CEP83: variants seen among roughly 807,000 people sequenced by gnomAD.
The protein encoded by CEP83 is centrosomal protein 83.
A neutral mutation model predicts 101.9 loss-of-function variants in CEP83; 70 were observed. The ratio of observed to expected loss-of-function variants is 0.69; its 90% CI spans 0.57 to 0.84. The LOEUF is 0.84. Ranked by LOEUF, CEP83 falls within the 40% of genes least tolerant of loss-of-function variation. The pLI is 0.00. For missense variants in CEP83, 715 were observed against 787.2 expected, an observed-to-expected ratio of 0.91 and a Z score of 1.10; for synonymous variants, 264 against 267.9, an observed-to-expected ratio of 0.99 and a Z score of 0.14.
chr12:94,327,034 C>T (rs1440303785), intron 14 of CEP83, among the ~76,000 whole-genome samples: 2 of 152,138 alleles, frequency 1.3e-5, no homozygotes, highest in African/African-American at 4.8e-5. Context: ...GGATGAATCA[C>T]AGGTTTGAAG....
At chr12:94,429,503 C>T (rs1175920848) in intron 2 of CEP83, among the ~76,000 whole-genome samples, 2 of 152,208 alleles carry the variant, frequency 1.3e-5, no homozygotes, top group South Asian at 2.1e-4. Flanking sequence ...GCACCTTGTG[C>T]TTGGGCTTAA....
chr12:94,373,736 CA>C (rs1466769483), intron 8 of CEP83, among the ~76,000 whole-genome samples: 1 of 152,218 alleles, frequency 6.6e-6, no homozygotes, highest in Non-Finnish European at 1.5e-5. Flanking sequence ...CTCACACTGA[CA>C]TAACTTTGTT....
chr12:94,305,316 G>A (rs1252983243), downstream of CEP83: 2 of 1,405,922 alleles, frequency 1.4e-6, no homozygotes, highest in African/African-American at 2.9e-5. Context: ...ATCTGGCAAA[G>A]TTCTTCAGAC....
At chr12:94,394,269 A>C (rs2062745647) in intron 6 of CEP83, among the ~76,000 whole-genome samples, 1 of 152,202 alleles carries the variant, frequency 6.6e-6, no homozygotes, top group South Asian at 2.1e-4. Flanking sequence ...ACTGGTACCA[A>C]AACAGAGATA....
intron 1 of CEP83, among the ~76,000 whole-genome samples, chr12:94,454,787 C>G (rs2067530467): frequency 6.6e-6 from 1 of 151,356 alleles, no homozygotes; most frequent in African/African-American, 2.4e-5. Flanking sequence ...GAGGAATGAA[C>G]AATGCCGGAC....
chr12:94,368,685 AT>A (rs1377488375), intron 9 of CEP83: 3 of 152,428 alleles, frequency 2.0e-5, no homozygotes, highest in African/African-American at 7.2e-5. Context: ...TGTACAATGA[AT>A]TCAGAAATCT....
intron 8 of CEP83, among the ~76,000 whole-genome samples, chr12:94,374,386 T>C (rs1472706692): frequency 6.6e-6 from 1 of 152,164 alleles, no homozygotes; most frequent in Non-Finnish European, 1.5e-5. Flanking sequence ...AAGAACAATG[T>C]GCTGCAAATA....
Position 94,368,204 on chromosome 12 carries a change from A to T in CEP83, c.1049-3T>A. On this transcript the variant is annotated splice_polypyrimidine_tract_variant and splice_region_variant and intron_variant, in intron 9 of 16. Transcript: ENST00000397809. ...AATTTCATTGTCTGACTGTAATCCTAGTGTTTTTCAAGGAGAAAAGTGTAC... is the reference window on the plus strand; with the variant it reads ...AATTTCATTGTCTGACTGTAATCCTTGTGTTTTTCAAGGAGAAAAGTGTAC... 6.2e-7 allele frequency: 1 copy of T among 1,606,602 alleles called. No individual in the cohort carries two copies. Among genetic ancestry groups the T allele is most frequent in the Non-Finnish European group, 8.5e-7 (1 of 1,176,966 alleles).
chr12:94,287,062 A>C, the CEP83 span, among the ~76,000 whole-genome samples: 1 of 152,224 alleles, frequency 6.6e-6, no homozygotes, highest in Admixed American at 6.5e-5. Context: ...AGTGCCTGGC[A>C]CTGCTCACAT....
intron 11 of CEP83, among the ~76,000 whole-genome samples, chr12:94,341,190 T>A (rs1001575452): frequency 6.6e-6 from 1 of 151,996 alleles, no homozygotes. Context: ...CTTGGCACTA[T>A]GATAAGCTAG....
chr12:94,396,218 G>T (rs1243178438), intron 6 of CEP83, among the ~76,000 whole-genome samples: 1 of 149,390 alleles, frequency 6.7e-6, no homozygotes, highest in Non-Finnish European at 1.5e-5. Flanking sequence ...TGCAACTTCA[G>T]CATTTCACCT....
Position 94,367,992 on chromosome 12 carries a change from T to G in CEP83, c.1194-49A>C, listed in dbSNP as rs148627214. 4.5e-4 allele frequency: 718 copies of G among 1,605,332 alleles called. 2 individuals carry two copies. The African/African-American group carries it at 8.7e-3, about 19-fold the overall frequency. On this transcript the variant is annotated intron_variant, in intron 10 of 16. Coordinates refer to ENST00000397809, the MANE Select transcript of CEP83 (RefSeq NM_016122.3). Reference sequence around the variant, plus strand: ...GTTACAAGAACTATAATAAAGATGATATGACAGCAAAATGTTTTCATTTGC... The same window carrying G: ...GTTACAAGAACTATAATAAAGATGAGATGACAGCAAAATGTTTTCATTTGC...
chr12:94,310,278 C>T (rs978146170), intron 15 of CEP83, among the ~76,000 whole-genome samples, 171 bp from the exon 16 acceptor site: 1 of 151,972 alleles, frequency 6.6e-6, no homozygotes, highest in Non-Finnish European at 1.5e-5. Context: ...GACATAACAT[C>T]TTAATCATTA....
chr12:94,400,336 C>A (rs549564044), intron 6 of CEP83, among the ~76,000 whole-genome samples: 1 of 152,116 alleles, frequency 6.6e-6, no homozygotes, highest in African/African-American at 2.4e-5. Context: ...GGAATGTATG[C>A]TGTAGGCAGC....
At chr12:94,394,807 C>G (rs1469873219) in intron 6 of CEP83, among the ~76,000 whole-genome samples, 1 of 152,124 alleles carries the variant, frequency 6.6e-6, no homozygotes, top group Non-Finnish European at 1.5e-5. Context: ...AAAAAGTGGG[C>G]AAAGGATATG....
chr12:94,342,571 T>G (rs1352337957), intron 11 of CEP83, among the ~76,000 whole-genome samples: 1 of 152,220 alleles, frequency 6.6e-6, no homozygotes. Flanking sequence ...AAGGGCTCAC[T>G]GCATGTGAAT....
intron 12 of CEP83, among the ~76,000 whole-genome samples, chr12:94,335,336 T>C (rs2059403548): frequency 6.6e-6 from 1 of 152,030 alleles, no homozygotes; most frequent in Admixed American, 6.6e-5. Flanking sequence ...TTAAAAATTA[T>C]CATGGGCCAC....
At chr12:94,421,490 T>G (rs1426229793) in intron 2 of CEP83, among the ~76,000 whole-genome samples, 1 of 152,226 alleles carries the variant, frequency 6.6e-6, no homozygotes, top group Non-Finnish European at 1.5e-5. Context: ...ATTCTCCTCA[T>G]GGTTGTGAGG....
At position 94,308,117 on chromosome 12, in the gene CEP83, T is replaced by C. The variant is rs537860295; in HGVS notation, c.*696A>G. 2.0e-5 allele frequency: 3 copies of C among 152,342 alleles called. No homozygotes were observed. The highest frequency in any genetic ancestry group is 7.2e-5 in the African/African-American group (3 of 41,582). The allele number at this position is 152,342 out of a possible 1,614,324, so 9.4% of individuals were successfully genotyped here. ...TAAAGTTAAATACCAACAATGTTTA[T>C]AAAAGGACCTGAGTTCAAGTTTTAT... On this transcript the variant is annotated 3_prime_UTR_variant, in exon 17 of 17. Transcript: ENST00000397809.
Sources: gnomAD v4.1 joint callset for allele counts (sites outside exome capture counted in the v4.1 genomes callset) on GRCh38, gnomAD v4.1.1 for gene constraint, MANE v1.5 for transcripts, NCBI Gene and HGNC (gene_info 2026-07-23, HGNC 2026-07-21) for gene names.